RTL4: variants seen among roughly 807,000 people sequenced by gnomAD.
RTL4 encodes the protein retrotransposon Gag like 4, also known as retrotransposon Gag-like protein 4.
RTL4 carries 4 observed loss-of-function variants against 5.3 expected under a neutral mutation model. The observed-to-expected ratio is 0.75, with a 90% CI of 0.37 to 1.72. RTL4 has a LOEUF of 1.72. Among genes scored for constraint, RTL4 ranks in the 40% most tolerant of loss-of-function variants. The pLI is 0.04. For missense variants in RTL4, 260 were observed against 227.1 expected, an observed-to-expected ratio of 1.14 and a Z score of -0.93; for synonymous variants, 98 against 87.3, an observed-to-expected ratio of 1.12 and a Z score of -0.68.
chrX:112,204,616 C>G, the RTL4 span, among the ~76,000 whole-genome samples: 1 of 111,114 alleles, frequency 9.0e-6, no homozygotes, highest in Non-Finnish European at 1.9e-5. Flanking sequence ...AACTAAAAAT[C>G]AAAACAATTG....
the RTL4 span, among the ~76,000 whole-genome samples, chrX:112,310,272 T>A: frequency 1.1e-5 from 1 of 89,097 alleles, no homozygotes; most frequent in Non-Finnish European, 2.2e-5. Flanking sequence ...GACAGCTTAC[T>A]TGTCTATCTC....
the RTL4 span, among the ~76,000 whole-genome samples, chrX:112,148,989 T>TTAGA: frequency 1.8e-5 from 2 of 111,822 alleles, no homozygotes; most frequent in Non-Finnish European, 3.8e-5. Context: ...GGCAGTCTCC[T>TTAGA]ATCCCTCAGG....
chrX:112,440,878 A>T, the RTL4 span, among the ~76,000 whole-genome samples: 16 of 111,690 alleles, frequency 1.4e-4, no homozygotes, highest in African/African-American at 5.2e-4. Flanking sequence ...TTATTTGGGA[A>T]ATGTACTGCA....
chrX:112,443,791 T>G, the RTL4 span, among the ~76,000 whole-genome samples: 9 of 111,973 alleles, frequency 8.0e-5, no homozygotes, highest in African/African-American at 2.9e-4. Flanking sequence ...ATTATTAGAT[T>G]TTTTTCGTAG....
the RTL4 span, among the ~76,000 whole-genome samples, chrX:112,142,121 G>T: frequency 1.8e-5 from 2 of 112,372 alleles, no homozygotes; most frequent in Non-Finnish European, 3.8e-5. Context: ...AATCAGAGAA[G>T]ATGGCAACTT....
chrX:112,388,447 C>T, the RTL4 span, among the ~76,000 whole-genome samples: 8 of 112,112 alleles, frequency 7.1e-5, no homozygotes, highest in Middle Eastern at 4.6e-3. Flanking sequence ...TTCAATTCTA[C>T]GTTGAATTGG....
the RTL4 span, among the ~76,000 whole-genome samples, chrX:112,410,909 C>T: frequency 9.0e-6 from 1 of 110,968 alleles, no homozygotes; most frequent in East Asian, 2.8e-4. Flanking sequence ...AATTAAAACA[C>T]AGAACACAGA....
chrX:112,240,970 C>T, the RTL4 span, among the ~76,000 whole-genome samples: 14 of 111,177 alleles, frequency 1.3e-4, no homozygotes, highest in African/African-American at 4.3e-4. Context: ...TTTCCAGCTT[C>T]ATCCATGTCC....
chrX:112,380,075 C>T, the RTL4 span, among the ~76,000 whole-genome samples: 1 of 111,260 alleles, frequency 9.0e-6, no homozygotes, highest in Non-Finnish European at 1.9e-5. Context: ...TTCAATCATA[C>T]AGTAAGTAGC....
At chrX:112,332,339 C>A in the RTL4 span, among the ~76,000 whole-genome samples, 31 of 110,355 alleles carry the variant, frequency 2.8e-4, no homozygotes, top group Admixed American at 4.9e-4. Flanking sequence ...TGGGTATATA[C>A]CCAAGGGATT....
the RTL4 span, among the ~76,000 whole-genome samples, chrX:112,375,146 CCA>C: frequency 9.0e-6 from 1 of 111,197 alleles, no homozygotes; most frequent in Admixed American, 9.6e-5. Flanking sequence ...TTCCCCAATA[CCA>C]CAGAGTCAAT....
the RTL4 span, among the ~76,000 whole-genome samples, chrX:112,110,569 A>C: frequency 8.9e-6 from 1 of 111,918 alleles, no homozygotes; most frequent in African/African-American, 3.2e-5. Context: ...AACTTTTAGC[A>C]AACTTTACTT....
the RTL4 span, among the ~76,000 whole-genome samples, chrX:112,236,600 G>C: frequency 1.9e-5 from 2 of 104,090 alleles, no homozygotes; most frequent in Non-Finnish European, 3.9e-5. Flanking sequence ...CCCTTTTAGA[G>C]AAACCCAAAG....
chrX:112,330,490 C>T, the RTL4 span, among the ~76,000 whole-genome samples: 1 of 110,663 alleles, frequency 9.0e-6, no homozygotes, highest in African/African-American at 3.3e-5. Context: ...CAAATCACTG[C>T]TCAAGGAAAT....
At chrX:112,168,941 T>C in the RTL4 span, among the ~76,000 whole-genome samples, 28 of 13,512 alleles carry the variant, frequency 2.1e-3, no homozygotes, top group South Asian at 0.019. Context: ...TTCTTTCTTT[T>C]TCTTTCTTTC....
At chrX:112,308,104 A>G in the RTL4 span, among the ~76,000 whole-genome samples, 4 of 111,502 alleles carry the variant, frequency 3.6e-5, no homozygotes, top group African/African-American at 1.3e-4. Flanking sequence ...GGACCTCTAA[A>G]TTTTGACTTA....
the RTL4 span, among the ~76,000 whole-genome samples, chrX:112,357,585 C>T: frequency 8.9e-6 from 1 of 112,041 alleles, no homozygotes; most frequent in Non-Finnish European, 1.9e-5. Context: ...ATGCCCTTAA[C>T]CTCATCTGTA....
chrX:112,135,125 C>A, the RTL4 span, among the ~76,000 whole-genome samples: 1 of 111,949 alleles, frequency 8.9e-6, no homozygotes, highest in East Asian at 2.8e-4. Context: ...AAGAAATTGC[C>A]AAATTATTTA....
the RTL4 span, among the ~76,000 whole-genome samples, chrX:112,410,110 C>CA: frequency 2.7e-5 from 3 of 111,231 alleles, no homozygotes; most frequent in Admixed American, 2.9e-4. Flanking sequence ...GACTTTAGAA[C>CA]AAAAAACTAT....
Sources: allele counts gnomAD v4.1 joint callset (sites outside exome capture counted in the v4.1 genomes callset), GRCh38; gene constraint gnomAD v4.1.1; transcripts MANE v1.5; gene names NCBI Gene and HGNC (gene_info 2026-07-23, HGNC 2026-07-21).